The following MYO1D variants were observed in gnomAD, a reference collection of about 807,000 sequenced individuals.
The protein encoded by MYO1D is unconventional myosin-Id.
In MYO1D, 83 loss-of-function variants were observed where a neutral mutation model predicts 122.0. The observed-to-expected ratio is 0.68, with a 90% CI of 0.57 to 0.82. The LOEUF is 0.82. Ranked by LOEUF, MYO1D falls within the 40% of genes least tolerant of loss-of-function variation. MYO1D has a pLI of 0.00. For synonymous variants in MYO1D, 464 were observed against 446.9 expected (o/e 1.04, Z -0.48); for missense variants, 1,157 against 1,269.5 (o/e 0.91, Z 1.35).
intron 19 of MYO1D, among the ~76,000 whole-genome samples, chr17:32,644,521 G>A (rs201687395): frequency 6.6e-6 from 1 of 152,122 alleles, no homozygotes; most frequent in East Asian, 1.9e-4. Flanking sequence ...GGGTGTTAAA[G>A]TCTCCCATTA....
intron 1 of MYO1D, among the ~76,000 whole-genome samples, chr17:32,830,518 A>T (rs2090762415): frequency 1.3e-5 from 2 of 152,266 alleles, no homozygotes. Context: ...AATGTGGCAG[A>T]GACATTATCT....
chr17:32,783,698 T>C (rs2090263373), intron 1 of MYO1D, among the ~76,000 whole-genome samples: 1 of 152,190 alleles, frequency 6.6e-6, no homozygotes. Flanking sequence ...GTCTTAAAAA[T>C]CACCACTAGG....
At chr17:32,682,207 T>C (rs2088929364) in intron 16 of MYO1D, among the ~76,000 whole-genome samples, 1 of 149,638 alleles carries the variant, frequency 6.7e-6, no homozygotes, top group Admixed American at 6.7e-5. Context: ...CTTTATCCAA[T>C]TTGCCAGTCT....
At chr17:32,633,607 A>C (rs1037316764) in intron 20 of MYO1D, among the ~76,000 whole-genome samples, 2 of 152,042 alleles carry the variant, frequency 1.3e-5, no homozygotes, top group Admixed American at 1.3e-4. Flanking sequence ...CACAAATCTC[A>C]AGTAAACAGC....
intron 21 of MYO1D, chr17:32,594,276 C>T (rs1276826965): frequency 3.2e-6 from 1 of 313,086 alleles, no homozygotes; most frequent in Non-Finnish European, 5.8e-6. Context: ...TTGTATATTG[C>T]TAAGAAAGTT....
chr17:32,557,694 G>A (rs2087080698), intron 21 of MYO1D, among the ~76,000 whole-genome samples: 2 of 151,684 alleles, frequency 1.3e-5, no homozygotes, highest in South Asian at 4.2e-4. Context: ...GCAGAGATGG[G>A]GTTTCGCTCA....
intron 21 of MYO1D, among the ~76,000 whole-genome samples, chr17:32,570,590 G>C (rs1037436480): frequency 1.2e-4 from 19 of 152,174 alleles, no homozygotes; most frequent in Non-Finnish European, 2.2e-4. Flanking sequence ...CTGACCTTGT[G>C]ATCTGCCTGC....
chr17:32,725,650 A>G (rs1016151625), intron 14 of MYO1D, among the ~76,000 whole-genome samples: 3 of 152,184 alleles, frequency 2.0e-5, no homozygotes, highest in Non-Finnish European at 2.9e-5. Context: ...GCTAAGAGGT[A>G]TAGAAGACAC....
At chr17:32,697,202 T>C (rs1401759515) in intron 16 of MYO1D, among the ~76,000 whole-genome samples, 1 of 152,230 alleles carries the variant, frequency 6.6e-6, no homozygotes, top group African/African-American at 2.4e-5. Flanking sequence ...CTTTGTCTTG[T>C]TCCTTTTCAT....
chr17:32,875,811 C>T (rs1200504203), intron 1 of MYO1D, among the ~76,000 whole-genome samples: 1 of 152,136 alleles, frequency 6.6e-6, no homozygotes, highest in Non-Finnish European at 1.5e-5. Context: ...AGCTATAAAC[C>T]TTAGAAGAAA....
chr17:32,661,180 T>A (rs961625009), intron 16 of MYO1D, among the ~76,000 whole-genome samples: 11 of 152,242 alleles, frequency 7.2e-5, no homozygotes, highest in Non-Finnish European at 1.6e-4. Context: ...ACAACCTTTA[T>A]AATTTCATCT....
intron 21 of MYO1D, among the ~76,000 whole-genome samples, chr17:32,511,225 T>C (rs1043349634): frequency 6.7e-6 from 1 of 149,738 alleles, no homozygotes; most frequent in African/African-American, 2.5e-5. Context: ...TCGCTCACTC[T>C]GTTTTTTTTT....
chr17:32,534,164 T>A (rs1180865184), intron 21 of MYO1D, among the ~76,000 whole-genome samples: 1 of 152,204 alleles, frequency 6.6e-6, no homozygotes, highest in South Asian at 2.1e-4. Flanking sequence ...ATTACATTTT[T>A]AAAATTAATT....
rs984643832 is a variant in MYO1D at position 32,849,434 on chromosome 17, G to A, written c.95+27344C>T. ...CCAACCCAAATGTCCAACAATGATA[G>A]ACTGGATTAAGAAAATGTGGCACAT... On this transcript the variant is annotated intron_variant, in intron 1 of 21. Transcript: ENST00000318217. 3.8e-4 allele frequency among the ~76,000 whole-genome samples: 57 copies of A among 149,164 alleles called. No individual in the cohort carries two copies. The Middle Eastern group carries it at 0.017, about 45-fold the overall frequency.
rs1226985760 is a variant in MYO1D at position 32,818,112 on chromosome 17, C to T, written c.96-37328G>A. ...CTGCACTCCAGCCTGGGCGACAGAG[C>T]GAGACTCCGTCTCAAAAAAAAAAAA... On this transcript the variant is annotated intron_variant, in intron 1 of 21. Coordinates refer to ENST00000318217, the MANE Select transcript of MYO1D (RefSeq NM_015194.3). 1.9e-3 allele frequency among the ~76,000 whole-genome samples: 104 copies of T among 54,536 alleles called. 1 individual carries two copies. The highest frequency in any genetic ancestry group is 6.3e-3 in the African/African-American group (96 of 15,340). 35.8% of individuals were successfully genotyped at this position (54,536 alleles called of 152,430 possible). A position where few individuals can be genotyped will look rare whatever the true frequency, so the allele number is the denominator to read the frequency against.
chr17:32,721,199 T>G lies in MYO1D; in HGVS notation c.1747-10A>C, dbSNP rs765634791. ...GAACGTAATATGGTTCCTAAAGAAATAAATCAGCAAATGGTAAGTTTCACT... is the reference window on the plus strand; with the variant it reads ...GAACGTAATATGGTTCCTAAAGAAAGAAATCAGCAAATGGTAAGTTTCACT... On this transcript the variant is annotated splice_polypyrimidine_tract_variant and intron_variant, in intron 14 of 21. Transcript: ENST00000318217. 4 of 1,610,700 alleles carry G rather than the reference T, an allele frequency of 2.5e-6. No individual in the cohort carries two copies. Among genetic ancestry groups the G allele is most frequent in the Non-Finnish European group, 3.4e-6 (4 of 1,177,886 alleles).
chr17:32,775,361 T>C (rs922471799), intron 4 of MYO1D, among the ~76,000 whole-genome samples: 2 of 152,132 alleles, frequency 1.3e-5, no homozygotes, highest in Non-Finnish European at 2.9e-5. Flanking sequence ...AAAATTCTAA[T>C]TGGAATCCTC....
chr17:32,704,394 G>A (rs546436845), intron 16 of MYO1D, among the ~76,000 whole-genome samples: 1 of 152,174 alleles, frequency 6.6e-6, no homozygotes, highest in South Asian at 2.1e-4. Context: ...TTCACAAAGA[G>A]TGCTCTAAAA....
chr17:32,814,268 C>T (rs571085896), intron 1 of MYO1D, among the ~76,000 whole-genome samples: 127 of 152,200 alleles, frequency 8.3e-4, no homozygotes, highest in Admixed American at 3.0e-3. Flanking sequence ...CACCTGAACC[C>T]GGGAGGCGGA....
Sources: gnomAD v4.1 joint callset for allele counts (sites outside exome capture counted in the v4.1 genomes callset) on GRCh38, gnomAD v4.1.1 for gene constraint, MANE v1.5 for transcripts, NCBI Gene and HGNC (gene_info 2026-07-23, HGNC 2026-07-21) for gene names.